The following LINGO2 variants were observed in gnomAD, a reference collection of about 807,000 sequenced individuals.
The protein encoded by LINGO2 is leucine-rich repeat and immunoglobulin-like domain-containing nogo receptor-interacting protein 2.
LINGO2 carries 14 observed loss-of-function variants against 30.6 expected under a neutral mutation model. The ratio of observed to expected loss-of-function variants is 0.46; its 90% confidence interval spans 0.30 to 0.72. LINGO2 has a LOEUF of 0.72. LINGO2 is among the 30% of genes least tolerant of loss of function. The pLI, the probability that LINGO2 is intolerant of heterozygous loss-of-function variation, is 0.07. For missense variants in LINGO2, 729 were observed against 751.7 expected (o/e 0.97, Z 0.35); for synonymous variants, 317 against 288.5 (o/e 1.10, Z -1.00).
rs1554666915 is a variant in LINGO2, at chr9:28,055,039, A to AT, written c.-86-42635_-86-42634insA. ...ACAAAACGCACAAACTTGCAAAAAAAATATATATAGCCTCCCAGAGGGAAG... is the reference window on the plus strand; with the variant it reads ...ACAAAACGCACAAACTTGCAAAAAAATATATATATAGCCTCCCAGAGGGAAG... On this transcript the variant is annotated intron_variant, in intron 4 of 5. Transcript: ENST00000379992. 8.7e-3 allele frequency among the ~76,000 whole-genome samples: 1,324 copies of AT among 151,760 alleles called. 21 individuals carry two copies. Among genetic ancestry groups the AT allele is most frequent in the African/African-American group, 0.027 (1,132 of 41,362 alleles).
chr9:28,036,155 A>T (rs1200749282), intron 4 of LINGO2, among the ~76,000 whole-genome samples: 1 of 152,218 alleles, frequency 6.6e-6, no homozygotes, highest in Non-Finnish European at 1.5e-5. Flanking sequence ...AAACCATCAC[A>T]TATTAAGGAC....
chr9:28,161,626 A>C (rs1828290285), intron 4 of LINGO2, among the ~76,000 whole-genome samples: 1 of 152,138 alleles, frequency 6.6e-6, no homozygotes, highest in Non-Finnish European at 1.5e-5. Flanking sequence ...TATATTGAAA[A>C]TAGAACGAGA....
the LINGO2 span, among the ~76,000 whole-genome samples, chr9:29,014,502 T>C: frequency 6.6e-6 from 1 of 152,004 alleles, no homozygotes; most frequent in Non-Finnish European, 1.5e-5. Flanking sequence ...TATAACACTA[T>C]GAAGTGAAAG....
chr9:28,540,615 C>A (rs1005978164), intron 1 of LINGO2, among the ~76,000 whole-genome samples: 9 of 152,022 alleles, frequency 5.9e-5, no homozygotes, highest in African/African-American at 2.2e-4. Flanking sequence ...AGAAATAATA[C>A]CATCACTATT....
intron 4 of LINGO2, among the ~76,000 whole-genome samples, chr9:28,237,568 C>T (rs943573193): frequency 2.0e-5 from 3 of 151,990 alleles, no homozygotes; most frequent in African/African-American, 2.4e-5. Context: ...ACTCTTCACT[C>T]GCCAGGTGCG....
At chr9:28,233,833 G>T (rs10968401) in intron 4 of LINGO2, among the ~76,000 whole-genome samples, 39,003 of 151,960 alleles carry the variant, frequency 0.26, 5,313 homozygotes, top group Admixed American at 0.31. Context: ...GGCAAGTCCT[G>T]GGCAAAAAGG....
intron 4 of LINGO2, among the ~76,000 whole-genome samples, chr9:28,293,063 C>T (rs1242740113): frequency 6.6e-6 from 1 of 151,798 alleles, no homozygotes; most frequent in Non-Finnish European, 1.5e-5. Context: ...TGAGCCACCG[C>T]ACCCGGCTGG....
intron 5 of LINGO2, among the ~76,000 whole-genome samples, chr9:27,994,800 A>C (rs1301831909): frequency 6.6e-6 from 1 of 152,158 alleles, no homozygotes; most frequent in Non-Finnish European, 1.5e-5. Flanking sequence ...AGGGGACTTA[A>C]GGCAGGGCTG....
chr9:29,089,682 T>C, the LINGO2 span, among the ~76,000 whole-genome samples: 27 of 152,254 alleles, frequency 1.8e-4, no homozygotes, highest in East Asian at 5.0e-3. Context: ...GTAGGAAATA[T>C]AATTTGGTTC....
At chr9:28,751,041 A>T in the LINGO2 span, among the ~76,000 whole-genome samples, 1 of 151,814 alleles carries the variant, frequency 6.6e-6, no homozygotes, top group Non-Finnish European at 1.5e-5. Context: ...CAGGTAGGAG[A>T]TTCGCTTGAG....
chr9:28,060,939 C>A (rs907921342), intron 4 of LINGO2, among the ~76,000 whole-genome samples: 5 of 151,958 alleles, frequency 3.3e-5, no homozygotes, highest in African/African-American at 7.2e-5. Flanking sequence ...GGAACACTAA[C>A]CCCCAGTATC....
chr9:29,014,307 T>A, the LINGO2 span, among the ~76,000 whole-genome samples: 1 of 152,170 alleles, frequency 6.6e-6, no homozygotes, highest in Non-Finnish European at 1.5e-5. Context: ...TCCCAAAGAC[T>A]CCTCAAAGTT....
chr9:27,978,538 G>C (rs1017628445), intron 5 of LINGO2, among the ~76,000 whole-genome samples: 1 of 151,996 alleles, frequency 6.6e-6, no homozygotes, highest in Admixed American at 6.6e-5. Context: ...TGAGGACACA[G>C]GGAGAAGATG....
intron 5 of LINGO2, among the ~76,000 whole-genome samples, chr9:28,002,026 A>G (rs1041936212): frequency 5.9e-5 from 9 of 152,230 alleles, no homozygotes; most frequent in Non-Finnish European, 1.3e-4. Flanking sequence ...CAAAACTTTC[A>G]TACATTTTGG....
At chr9:29,100,708 C>A in the LINGO2 span, among the ~76,000 whole-genome samples, 2 of 151,906 alleles carry the variant, frequency 1.3e-5, no homozygotes, top group Non-Finnish European at 2.9e-5. Flanking sequence ...TTAAAAATAA[C>A]TGAAAGAGTA....
intron 4 of LINGO2, among the ~76,000 whole-genome samples, chr9:28,216,765 C>T (rs1163624440): frequency 2.6e-5 from 4 of 151,870 alleles, no homozygotes; most frequent in African/African-American, 7.2e-5. Context: ...CATTTATGAT[C>T]ATTATTGAAG....
the LINGO2 span, among the ~76,000 whole-genome samples, chr9:29,004,908 TTATC>T: frequency 3.3e-5 from 5 of 152,146 alleles, no homozygotes; most frequent in South Asian, 2.1e-4. Context: ...TTCAATTTCT[TTATC>T]TATAAAATGG....
chr9:28,047,051 G>T (rs1269030969), intron 4 of LINGO2, among the ~76,000 whole-genome samples: 1 of 152,100 alleles, frequency 6.6e-6, no homozygotes, highest in Non-Finnish European at 1.5e-5. Context: ...TTAGCAGATT[G>T]TAGGGAACCC....
intron 4 of LINGO2, among the ~76,000 whole-genome samples, chr9:28,015,322 T>C (rs532568052): frequency 6.6e-6 from 1 of 152,240 alleles, no homozygotes. Flanking sequence ...TCCACTTCTG[T>C]ACATGGAGCT....
Sources: allele counts gnomAD v4.1 joint callset (sites outside exome capture counted in the v4.1 genomes callset), GRCh38; gene constraint gnomAD v4.1.1; transcripts MANE v1.5; gene names NCBI Gene and HGNC (gene_info 2026-07-23, HGNC 2026-07-21).